Variants in NKAIN4 observed in about 807,000 individuals in gnomAD.
The protein encoded by NKAIN4 is sodium/potassium-transporting ATPase subunit beta-1-interacting protein 4.
A neutral mutation model predicts 28.8 loss-of-function variants in NKAIN4; 28 were observed. That is an observed-to-expected ratio of 0.97 (90% confidence interval 0.72 to 1.33). The LOEUF (loss-of-function observed/expected upper bound fraction) is 1.33, where lower values mean the gene tolerates loss of function less well. Ranked by LOEUF, NKAIN4 falls within the 40% of genes most tolerant of loss-of-function variation. NKAIN4 has a pLI of 0.00. For missense variants in NKAIN4, 289 were observed against 277.2 expected, an observed-to-expected ratio of 1.04 and a Z score of -0.30; for synonymous variants, 122 against 115.6, an observed-to-expected ratio of 1.06 and a Z score of -0.36.
At chr20:63,244,663 G>A (rs2066823728) in intron 4 of NKAIN4, 1 of 408,012 alleles carries the variant, frequency 2.5e-6, no homozygotes, top group Non-Finnish European at 5.0e-6. Context: ...GGCAGGGAGA[G>A]GGGAGGGACT....
intron 2 of NKAIN4, chr20:63,249,201 C>T (rs1000313409): frequency 1.5e-5 from 6 of 402,658 alleles, no homozygotes; most frequent in Admixed American, 3.6e-5. Flanking sequence ...GACCTGTCCT[C>T]GCCTCACCGG....
chr20:63,249,883 C>T, intron 2 of NKAIN4, 52 bp downstream of exon 2: 1 of 1,558,786 alleles, frequency 6.4e-7, no homozygotes. Flanking sequence ...GAGCCGCCAT[C>T]CTGGTCACCT....
chr20:63,242,694 C>G, intron 5 of NKAIN4, 71 bp from the exon 6 acceptor site: 1 of 1,277,080 alleles, frequency 7.8e-7, no homozygotes, highest in Non-Finnish European at 1.1e-6. Context: ...GAAAACAAGC[C>G]CAACCAGACA....
chr20:63,248,644 A>T, intron 3 of NKAIN4, 171 bp downstream of exon 3: 1 of 588,588 alleles, frequency 1.7e-6, no homozygotes, highest in Non-Finnish European at 3.1e-6. Context: ...CCAAACCTTT[A>T]CTGAGTTACC....
chr20:63,251,153 G>A (rs2066952031), intron 1 of NKAIN4, among the ~76,000 whole-genome samples: 2 of 143,796 alleles, frequency 1.4e-5, no homozygotes, highest in Non-Finnish European at 3.1e-5. Context: ...TGGCAGCCGA[G>A]GCAGAGAGAG....
rs553040407 is a variant in NKAIN4 at position 63,241,618 on chromosome 20, A to G, written c.618-112T>C. The G allele has an allele frequency of 6.3e-6, 6 of 947,056 alleles. 1 individual carries two copies. The Admixed American group carries it at 8.0e-5, about 13-fold the overall frequency. The allele number at this position is 947,056 out of a possible 1,614,324, so 58.7% of individuals were successfully genotyped here. Reference sequence around the variant, plus strand: ...AAATGGAACAAAGTCCAAGCAGTGGACGGCTTCAGGCCTTTGGCAGAAAGG... The same window carrying G: ...AAATGGAACAAAGTCCAAGCAGTGGGCGGCTTCAGGCCTTTGGCAGAAAGG... On this transcript the variant is annotated intron_variant, in intron 6 of 6. Transcript: ENST00000370316.
chr20:63,253,962 G>C (rs921567599), intron 1 of NKAIN4: 1 of 159,836 alleles, frequency 6.3e-6, no homozygotes. Flanking sequence ...TCTCAGAATC[G>C]GAACTTGGCC....
intron 4 of NKAIN4, 182 bp downstream of exon 4, chr20:63,247,396 G>A (rs1453540116): frequency 1.3e-6 from 2 of 1,531,704 alleles, no homozygotes; most frequent in East Asian, 2.5e-5. Context: ...GCACTGAGGT[G>A]CCAGCCACAT....
chr20:63,252,793 C>T lies in NKAIN4; in HGVS notation c.54+1604G>A, dbSNP rs1406810447. On this transcript the variant is annotated intron_variant, in intron 1 of 6. Transcript: ENST00000370316. The surrounding 1 kb of genome is among the most constrained non-coding windows in gnomAD (Gnocchi z 4.6). ...AATTTCCAAGGGCCTGCATGTGCGC[C>T]CATCTGTCTACTGTCCACCGCAGAG... Among the ~76,000 whole-genome samples the T allele has an allele frequency of 6.6e-6, 1 of 152,154 alleles. No homozygotes were observed. The highest frequency in any genetic ancestry group is 1.5e-5 in the Non-Finnish European group (1 of 68,026).
At chr20:63,248,565 G>C (rs1358400870) in intron 3 of NKAIN4, 5 of 464,810 alleles carry the variant, frequency 1.1e-5, no homozygotes, top group Admixed American at 3.4e-5. Context: ...CTCTTCCCCA[G>C]CTGGAGCCCC....
rs1331337447 is a variant in NKAIN4 at position 63,252,600 on chromosome 20, G to A, written c.54+1797C>T. On this transcript the variant is annotated intron_variant, in intron 1 of 6. Coordinates refer to ENST00000370316, the MANE Select transcript of NKAIN4 (RefSeq NM_152864.4). The surrounding 1 kb of genome is among the most constrained non-coding windows in gnomAD (Gnocchi z 4.6). The stretch of plus-strand genomic sequence containing the variant: ...CAGTGGGCTGCCAGATTGCCAACCC[G>A]GCCAGGACAAAAGGCCTTTGACAGC... Among the ~76,000 whole-genome samples, 4 of 152,168 alleles carry A rather than the reference G, an allele frequency of 2.6e-5. No individual in the cohort carries two copies. Among genetic ancestry groups the A allele is most frequent in the East Asian group, 1.9e-4 (1 of 5,160 alleles).
At chr20:63,250,109 AG>A (rs747898422) in intron 1 of NKAIN4, 37 bp from the exon 2 acceptor site, 1 of 1,533,062 alleles carries the variant, frequency 6.5e-7, no homozygotes, top group South Asian at 1.2e-5. Context: ...GGTGGACCCG[AG>A]GGAGGCCCCA....
intron 1 of NKAIN4, chr20:63,253,336 C>G (rs2066994103): frequency 1.0e-6 from 1 of 985,304 alleles, no homozygotes; most frequent in African/African-American, 1.7e-5. Flanking sequence ...GAAGCTCCTT[C>G]CTTCCTGCAG....
intron 4 of NKAIN4, among the ~76,000 whole-genome samples, chr20:63,246,252 A>G (rs1025265904): frequency 6.6e-6 from 1 of 152,096 alleles, no homozygotes; most frequent in African/African-American, 2.4e-5. Flanking sequence ...TTGCCTCCTC[A>G]CAAAGCCTAA....
Position 63,247,619 on chromosome 20 carries a change from A to G in NKAIN4, c.430T>C (p.Tyr144His), listed in dbSNP as rs778884781. ...SGAGCALEPS[Y>H]VEALHSCLQI... ...AGGCAACTGTGTAGGGCCTCCACAT[A>G]GCTGGGCTCCAGGGCACAGCCAGCA... is the stretch of plus-strand genomic sequence containing the variant. The change falls in exon 4 of 7, where the codon TAT becomes CAT. Residue 144 changes from tyrosine to histidine, a missense_variant. By Grantham distance (83) the Tyr-to-His change is moderately conservative (BLOSUM62 2). Coordinates refer to ENST00000370316, the MANE Select transcript of NKAIN4 (RefSeq NM_152864.4). The G allele has an allele frequency of 6.5e-7, 1 of 1,547,698 alleles. No homozygotes were observed. Among genetic ancestry groups the G allele is most frequent in the South Asian group, 1.2e-5 (1 of 83,272 alleles).
At chr20:63,243,949 C>T (rs1226830311) in intron 5 of NKAIN4, 75 bp downstream of exon 5, 7 of 1,301,318 alleles carry the variant, frequency 5.4e-6, no homozygotes, top group Admixed American at 1.9e-5. Flanking sequence ...CGCCTTGCCC[C>T]AGACGGGACA....
chr20:63,251,938 G>A (rs913732119), intron 1 of NKAIN4, among the ~76,000 whole-genome samples: 7 of 152,144 alleles, frequency 4.6e-5, no homozygotes, highest in African/African-American at 7.2e-5. Context: ...CTGCCCTGCC[G>A]GAGCCCCGGG....
chr20:63,243,118 G>C lies in NKAIN4; in HGVS notation c.533-495C>G, dbSNP rs539000993. 1.8e-3 allele frequency among the ~76,000 whole-genome samples: 271 copies of C among 152,314 alleles called. 1 individual carries two copies. Among genetic ancestry groups the C allele is most frequent in the African/African-American group, 6.1e-3 (255 of 41,570 alleles). On this transcript the variant is annotated intron_variant, in intron 5 of 6. Coordinates refer to ENST00000370316, the MANE Select transcript of NKAIN4 (RefSeq NM_152864.4). ...TTGCGGGGCAAAGTCGAGGCATTTT[G>C]AACCCCAGGTTCAAATGGGGTTCCC... is the stretch of plus-strand genomic sequence containing the variant.
At chr20:63,244,202 G>A in intron 4 of NKAIN4, 118 bp from the exon 5 acceptor site, 1 of 823,792 alleles carries the variant, frequency 1.2e-6, no homozygotes. Flanking sequence ...TGCCTCTCCT[G>A]GACCTCAGGT....
Sources: allele counts gnomAD v4.1 joint callset (sites outside exome capture counted in the v4.1 genomes callset), GRCh38; gene constraint gnomAD v4.1.1; non-coding constraint Gnocchi (gnomAD v3.1); transcripts MANE v1.5; gene names NCBI Gene and HGNC (gene_info 2026-07-23, HGNC 2026-07-21).